Variants in ESCO2 observed in about 807,000 individuals in gnomAD.
ESCO2 encodes the protein establishment of sister chromatid cohesion N-acetyltransferase 2, also known as N-acetyltransferase ESCO2.
In ESCO2, 51 loss-of-function variants were observed where a neutral mutation model predicts 61.7. The observed-to-expected ratio is 0.83, with a 90% CI of 0.66 to 1.04. The LOEUF (loss-of-function observed/expected upper bound fraction) is 1.04, where lower values mean the gene tolerates loss of function less well. ESCO2 is among the 50% of genes least tolerant of loss of function. The probability of loss-of-function intolerance (pLI) is 0.00; values close to 1 mark genes in which losing one functional copy is unlikely to be tolerated. For synonymous variants in ESCO2, 230 were observed against 238.2 expected, an observed-to-expected ratio of 0.97 and a Z score of 0.32; for missense variants, 692 against 686.2, an observed-to-expected ratio of 1.01 and a Z score of -0.09.
At chr8:27,793,916 C>T (rs1029781552) in intron 9 of ESCO2, among the ~76,000 whole-genome samples, 3 of 152,162 alleles carry the variant, frequency 2.0e-5, no homozygotes, top group Admixed American at 1.3e-4. Context: ...ACTCCCCCAG[C>T]CTCTGGCAAC....
chr8:27,800,310 T>C (rs1330562487), intron 10 of ESCO2, among the ~76,000 whole-genome samples: 1 of 152,140 alleles, frequency 6.6e-6, no homozygotes, highest in Non-Finnish European at 1.5e-5. Context: ...AATTTAAAAA[T>C]GGACAAAGAA....
Position 27,804,403 on chromosome 8 carries a change from CCTTA to C in ESCO2, c.*969_*972del, listed in dbSNP as rs1308157349. 2 of 985,348 alleles carry C rather than the reference CCTTA, an allele frequency of 2.0e-6. No individual in the cohort carries two copies. Among genetic ancestry groups the C allele is most frequent in the South Asian group, 4.7e-5 (1 of 21,276 alleles). The allele number at this position is 985,348 out of a possible 1,614,324, so 61.0% of individuals were successfully genotyped here. A position where few individuals can be genotyped will look rare whatever the true frequency, so the allele number is the denominator to read the frequency against. On this transcript the variant is annotated 3_prime_UTR_variant, in exon 11 of 11. Transcript: ENST00000305188. ...TAATTTTTTGCTTGTTTAAAATGCA[CCTTA>C]CTTGTTCTGAGATACCTGGCAAAAG...
chr8:27,787,992 A>G lies in ESCO2; in HGVS notation c.1121A>G (p.Gln374Arg). 6.2e-7 allele frequency: 1 copy of G among 1,610,140 alleles called. No homozygotes were observed. Among genetic ancestry groups the G allele is most frequent in the Non-Finnish European group, 8.5e-7 (1 of 1,176,614 alleles). The change falls in exon 6 of 11, where the codon CAG becomes CGG. Residue 374 changes from glutamine (Q) to arginine (R), a missense_variant. Physicochemically the swap from Gln to Arg is conservative, Grantham distance 43. Coordinates refer to ENST00000305188, the MANE Select transcript of ESCO2 (RefSeq NM_001017420.3). ...TRDTSKKTKD[Q>R]LIIDAGQKHF... ...GATACAAGTAAAAAAACAAAAGACC[A>G]GCTCATCATCGTGAGTAAATTCCAA... is the stretch of plus-strand genomic sequence containing the variant.
intron 2 of ESCO2, among the ~76,000 whole-genome samples, 170 bp downstream of exon 2, chr8:27,775,737 C>G (rs978161150): frequency 6.6e-6 from 1 of 152,212 alleles, no homozygotes; most frequent in African/African-American, 2.4e-5. Context: ...ATTAAGTTTT[C>G]ATAATGAATT....
At position 27,799,687 on chromosome 8, in the gene ESCO2, C is replaced by G; in HGVS notation, c.1644C>G (p.Arg548=). The G allele has an allele frequency of 6.2e-7, 1 of 1,613,712 alleles. No homozygotes were observed. The highest frequency in any genetic ancestry group is 8.5e-7 in the Non-Finnish European group (1 of 1,179,966). The change falls in exon 10 of 11, where the codon CGC becomes CGG. Residue 548 remains arginine (R), a synonymous_variant. Coordinates refer to ENST00000305188, the MANE Select transcript of ESCO2 (RefSeq NM_001017420.3). Reference sequence around the variant, plus strand: ...TTTTCAGACTGAAGAGAAGAAAGCGCATTGCAAGACGACTGGTTGATACCC... The same window carrying G: ...TTTTCAGACTGAAGAGAAGAAAGCGGATTGCAAGACGACTGGTTGATACCC... The part of the protein sequence containing the change: ...IWVFRLKRRK[R]IARRLVDTLR...
At chr8:27,799,071 C>T (rs1395895773) in intron 9 of ESCO2, among the ~76,000 whole-genome samples, 2 of 152,076 alleles carry the variant, frequency 1.3e-5, no homozygotes, top group African/African-American at 2.4e-5. Context: ...GGGGAAAACT[C>T]AGGGAAGGAT....
rs1368451631 is a variant in ESCO2 at position 27,803,799 on chromosome 8, G to A, written c.*361G>A. On this transcript the variant is annotated 3_prime_UTR_variant, in exon 11 of 11. Transcript: ENST00000305188. Reference sequence around the variant, plus strand: ...GAAATGTGACCTGGTCTTTTATAAAGCCCACTCTTAGACCAGGATTATCTA... The same window carrying A: ...GAAATGTGACCTGGTCTTTTATAAAACCCACTCTTAGACCAGGATTATCTA... The A allele has an allele frequency of 1.9e-6, 2 of 1,032,908 alleles. No individual in the cohort carries two copies. The highest frequency in any genetic ancestry group is 2.3e-6 in the Non-Finnish European group (2 of 860,674). 64.0% of individuals were successfully genotyped at this position (1,032,908 alleles called of 1,614,324 possible).
chr8:27,811,228 G>A, downstream of ESCO2: 1 of 1,020,912 alleles, frequency 9.8e-7, no homozygotes, highest in Non-Finnish European at 1.5e-6. Context: ...TGAACAAGTA[G>A]TTCACAGGTT....
intron 9 of ESCO2, 92 bp downstream of exon 9, chr8:27,792,903 T>G (rs541592652): frequency 7.6e-7 from 1 of 1,316,282 alleles, no homozygotes; most frequent in Non-Finnish European, 1.0e-6. Context: ...TTGCTACCAT[T>G]AATGACACTC....
At chr8:27,810,962 A>C (rs765961447), downstream of ESCO2, 8 of 1,497,510 alleles carry the variant, frequency 5.3e-6, no homozygotes, top group Non-Finnish European at 6.5e-6. Context: ...TCATACCTTC[A>C]TCATCATCAT....
At chr8:27,806,914 C>T (rs200397146), downstream of ESCO2, among the ~76,000 whole-genome samples, 5 of 152,282 alleles carry the variant, frequency 3.3e-5, no homozygotes, top group East Asian at 7.7e-4. Flanking sequence ...GTATGCCCAG[C>T]TGTTACTTTT....
At chr8:27,789,088 G>C in intron 7 of ESCO2, 110 bp downstream of exon 7, 1 of 1,349,048 alleles carries the variant, frequency 7.4e-7, no homozygotes, top group Non-Finnish European at 1.0e-6. Context: ...TAATGATGAT[G>C]TTTCAAGCTT....
chr8:27,785,078 C>T (rs1022480425), intron 5 of ESCO2, among the ~76,000 whole-genome samples: 24 of 152,184 alleles, frequency 1.6e-4, no homozygotes, highest in African/African-American at 5.8e-4. Context: ...ATTTGGCTCA[C>T]AGTTATAGAG....
chr8:27,802,656 T>TAATATA (rs1491490850), intron 10 of ESCO2, among the ~76,000 whole-genome samples: 5 of 63,570 alleles, frequency 7.9e-5, no homozygotes, highest in African/African-American at 3.5e-4. Flanking sequence ...TATATATATA[T>TAATATA]TATATATATA....
At chr8:27,808,331 C>T (rs10101429), downstream of ESCO2, 73,623 of 604,062 alleles carry the variant, frequency 0.12, 5,750 homozygotes, top group East Asian at 0.36. Flanking sequence ...GGAAAGATTT[C>T]CTGGGAGGTG....
downstream of ESCO2, among the ~76,000 whole-genome samples, chr8:27,813,455 C>T (rs1409960716): frequency 6.6e-6 from 1 of 152,048 alleles, no homozygotes; most frequent in Non-Finnish European, 1.5e-5. Context: ...AGAACTTAAA[C>T]AATTTTGTTA....
chr8:27,799,100 GT>G (rs1210648817), intron 9 of ESCO2, among the ~76,000 whole-genome samples: 27 of 151,676 alleles, frequency 1.8e-4, no homozygotes, highest in Non-Finnish European at 3.1e-4. Context: ...CTCTGTAGTG[GT>G]TTTTTTCAAC....
downstream of ESCO2, among the ~76,000 whole-genome samples, chr8:27,816,119 A>G (rs1325174398): frequency 2.6e-5 from 4 of 151,978 alleles, no homozygotes; most frequent in East Asian, 7.7e-4. Context: ...CATCTAGACT[A>G]GGTTAAGGGC....
chr8:27,818,869 T>C, the ESCO2 span, among the ~76,000 whole-genome samples: 6 of 152,206 alleles, frequency 3.9e-5, no homozygotes, highest in Admixed American at 6.5e-5. Flanking sequence ...TGTTACTTTT[T>C]CCCCCAATCT....
Sources: allele counts gnomAD v4.1 joint callset (sites outside exome capture counted in the v4.1 genomes callset), GRCh38; gene constraint gnomAD v4.1.1; transcripts MANE v1.5; gene names NCBI Gene and HGNC (gene_info 2026-07-23, HGNC 2026-07-21).